Variants in ADAMDEC1 observed in about 807,000 individuals in gnomAD.
The protein encoded by ADAMDEC1 is ADAM like decysin 1.
ADAMDEC1 carries 62 observed loss-of-function variants against 60.4 expected under a neutral mutation model. The observed-to-expected ratio is 1.03, with a 90% CI of 0.84 to 1.27. ADAMDEC1 has a LOEUF of 1.27. ADAMDEC1 is among the 50% of genes most tolerant of loss of function. The pLI, the probability that ADAMDEC1 is intolerant of heterozygous loss-of-function variation, is 0.00. For synonymous variants in ADAMDEC1, 210 were observed against 195.1 expected, an observed-to-expected ratio of 1.08 and a Z score of -0.64; for missense variants, 595 against 565.0, an observed-to-expected ratio of 1.05 and a Z score of -0.54.
In ADAMDEC1 at chr8:24,392,342, G is replaced by C; in HGVS notation, c.169G>C (p.Glu57Gln). The C allele has an allele frequency of 4.3e-6, 7 of 1,612,260 alleles. No homozygotes were observed. The highest frequency in any genetic ancestry group is 5.1e-6 in the Non-Finnish European group (6 of 1,179,068). The change falls in exon 2 of 14, where the codon GAG (glutamate) becomes CAG (glutamine). Residue 57 changes from glutamate (E) to glutamine (Q), a missense_variant. By Grantham distance (29) the Glu-to-Gln change is conservative. Transcript: ENST00000256412. ...AAAACTTCACATTTTACACAAAAGA[G>C]AGATCAAGAACAACCAGACAGAAAA... ...PKKLHILHKR[E>Q]IKNNQTEKHG...
chr8:24,394,094 G>A lies in ADAMDEC1; in HGVS notation c.310G>A (p.Glu104Lys). 2 of 1,613,482 alleles carry A rather than the reference G, an allele frequency of 1.2e-6. No homozygotes were observed. The highest frequency in any genetic ancestry group is 2.2e-5 in the East Asian group (1 of 44,792). ...GCACCTCCTGGGGCCAGACTACACT[G>A]AAACATTGTACTCACCCAGAGGAGA... is the stretch of plus-strand genomic sequence containing the variant. Reference protein sequence around the residue: ...TKHLLGPDYTETLYSPRGEEI... With the variant: ...TKHLLGPDYTKTLYSPRGEEI... Residue 104 changes from glutamate (E) to lysine (K), a missense_variant, in exon 4 of 14, where the codon GAA (glutamate) becomes AAA (lysine). Transcript: ENST00000256412.
At chr8:24,395,095 GTCTGAATC>G (rs1189639682) in intron 4 of ADAMDEC1, among the ~76,000 whole-genome samples, 1 of 152,198 alleles carries the variant, frequency 6.6e-6, no homozygotes, top group Non-Finnish European at 1.5e-5. Flanking sequence ...CAACAATCAT[GTCTGAATC>G]TCTAATTGTA....
chr8:24,392,897 T>TTC (rs1817485212), intron 2 of ADAMDEC1, among the ~76,000 whole-genome samples: 1 of 147,094 alleles, frequency 6.8e-6, no homozygotes, highest in Non-Finnish European at 1.5e-5. Flanking sequence ...TTTTTTTTTT[T>TTC]TTTTTTTTTT....
chr8:24,396,427 G>A (rs1443921926), intron 5 of ADAMDEC1, among the ~76,000 whole-genome samples: 1 of 152,138 alleles, frequency 6.6e-6, no homozygotes. Context: ...CAGGAGAATG[G>A]CATGAACCCA....
At position 24,399,169 on chromosome 8, in the gene ADAMDEC1, A is replaced by G. The variant is rs545846466; in HGVS notation, c.929+129A>G. On this transcript the variant is annotated intron_variant, in intron 9 of 13. Coordinates refer to ENST00000256412, the MANE Select transcript of ADAMDEC1 (RefSeq NM_014479.3). ...GAGTGCTTGACATTTTACCACTAGC[A>G]ATTCACCTGTGACATTATTGGATCA... 1.7e-5 allele frequency: 19 copies of G among 1,109,770 alleles called. No individual in the cohort carries two copies. In the African/African-American group the frequency reaches 2.8e-4, roughly 17 times the overall value. The allele number at this position is 1,109,770 out of a possible 1,614,324, so 68.7% of individuals were successfully genotyped here.
chr8:24,400,317 C>T lies in ADAMDEC1; in HGVS notation c.1142+17C>T. 6 of 1,577,496 alleles carry T rather than the reference C, an allele frequency of 3.8e-6. No individual in the cohort carries two copies. Among genetic ancestry groups the T allele is most frequent in the Non-Finnish European group, 4.3e-6 (5 of 1,167,956 alleles). The stretch of plus-strand genomic sequence containing the variant: ...GTATCTGAGGTGAGACCTTGTCATC[C>T]TAAAAGGAGAGAGATATTTTCCAAA... On this transcript the variant is annotated intron_variant, in intron 11 of 13. Transcript: ENST00000256412.
At chr8:24,386,575 A>G (rs755170475) in intron 1 of ADAMDEC1, among the ~76,000 whole-genome samples, 32 of 152,046 alleles carry the variant, frequency 2.1e-4, no homozygotes, top group Admixed American at 6.6e-5. Context: ...CTGCTCCTCT[A>G]TCTGACCTAT....
In ADAMDEC1 at chr8:24,395,373, G is replaced by C. The variant is rs141101424; in HGVS notation, c.364-347G>C. On this transcript the variant is annotated intron_variant, in intron 4 of 13. Coordinates refer to ENST00000256412, the MANE Select transcript of ADAMDEC1 (RefSeq NM_014479.3). ...ACTGGGAGTACTGTACATCCCAAGA[G>C]GACTGGCTACTTCTCAGAGAAAGCA... is the stretch of plus-strand genomic sequence containing the variant. Among the ~76,000 whole-genome samples, 409 of 152,306 alleles carry C rather than the reference G, an allele frequency of 2.7e-3. 1 individual carries two copies. Among genetic ancestry groups the C allele is most frequent in the African/African-American group, 9.2e-3 (383 of 41,556 alleles).
chr8:24,398,531 G>A lies in ADAMDEC1; in HGVS notation c.742G>A (p.Val248Met), dbSNP rs745487031. Residue 248 changes from valine to methionine, a missense_variant, in exon 8 of 14, where the codon GTG becomes ATG. Transcript: ENST00000256412. The part of the protein sequence containing the change: ...LTLIRSFVFD[V>M]MNLLNVIYNT... ...TCTGATAAGAAGCTTTGTGTTTGAT[G>A]TGATGAACCTACTCAATGTGGTAAG... 2.3e-5 allele frequency: 37 copies of A among 1,602,744 alleles called. No homozygotes were observed. The East Asian group carries it at 7.8e-4, about 34-fold the overall frequency.
intron 1 of ADAMDEC1, 38 bp downstream of exon 1, chr8:24,384,630 A>G (rs775818973): frequency 3.2e-5 from 50 of 1,556,432 alleles, no homozygotes; most frequent in Non-Finnish European, 4.4e-5. Flanking sequence ...ATAAAAGTCA[A>G]ATTATTTGAT....
intron 1 of ADAMDEC1, 68 bp from the exon 2 acceptor site, chr8:24,392,194 C>A: frequency 2.4e-6 from 3 of 1,226,650 alleles, no homozygotes; most frequent in South Asian, 3.0e-5. Context: ...GAAATGAAAA[C>A]AAAACACAAC....
At chr8:24,401,125 G>T (rs1181569811) in intron 11 of ADAMDEC1, among the ~76,000 whole-genome samples, 2 of 152,052 alleles carry the variant, frequency 1.3e-5, no homozygotes, top group Admixed American at 1.3e-4. Flanking sequence ...TACAGATGTT[G>T]AATGGACATA....
rs753778596 is a variant in ADAMDEC1, at chr8:24,399,425, T to A, written c.962T>A (p.Leu321Gln). Residue 321 changes from leucine to glutamine, a missense_variant, in exon 10 of 14, where the codon CTG (leucine) becomes CAG (glutamine). Leu to Gln is a moderately radical substitution (Grantham distance 113, BLOSUM62 -2). Transcript: ENST00000256412. ...GISFNNRRVG[L>Q]AASNSLCSPS... ...AGCTTCAACAATCGACGTGTGGGAC[T>A]GGCAGCTTCAAATTCCTTGTGTTCC... 1 of 1,613,902 alleles carries A rather than the reference T, an allele frequency of 6.2e-7. No individual in the cohort carries two copies. Among genetic ancestry groups the A allele is most frequent in the Admixed American group, 1.7e-5 (1 of 59,988 alleles).
chr8:24,396,405 C>T lies in ADAMDEC1; in HGVS notation c.440+609C>T, dbSNP rs191117988. Among the ~76,000 whole-genome samples, 383 of 151,870 alleles carry T rather than the reference C, an allele frequency of 2.5e-3. 2 individuals are homozygous for T. The highest frequency in any genetic ancestry group is 4.4e-3 in the Non-Finnish European group (298 of 67,900). On this transcript the variant is annotated intron_variant, in intron 5 of 13. Transcript: ENST00000256412. The stretch of plus-strand genomic sequence containing the variant: ...CTGGCGCCTGTAGTCCCAGCTACTC[C>T]GGAGGCTGAGGCAGGAGAATGGCAT...
At chr8:24,393,176 A>T in intron 2 of ADAMDEC1, 86 bp from the exon 3 acceptor site, 1 of 783,236 alleles carries the variant, frequency 1.3e-6, no homozygotes, top group South Asian at 2.6e-5. Flanking sequence ...TGCATTTGTA[A>T]TTGTTCTTCT....
At chr8:24,403,974 C>T (rs1307744602) in intron 12 of ADAMDEC1, 29 bp from the exon 13 acceptor site, 10 of 1,590,174 alleles carry the variant, frequency 6.3e-6, no homozygotes, top group Non-Finnish European at 1.7e-6. Flanking sequence ...GTTGAACCCA[C>T]CTTTTTCCAT....
At chr8:24,398,600 G>A in intron 8 of ADAMDEC1, 49 bp downstream of exon 8, 1 of 1,310,926 alleles carries the variant, frequency 7.6e-7, no homozygotes, top group Non-Finnish European at 1.1e-6. Flanking sequence ...GGGAAGTTCT[G>A]CCTGGAACTT....
intron 13 of ADAMDEC1, 59 bp from the exon 14 acceptor site, chr8:24,405,233 A>G: frequency 2.0e-6 from 3 of 1,482,208 alleles, no homozygotes; most frequent in South Asian, 1.2e-5. Context: ...TCATTATTAC[A>G]TAATATTTTG....
intron 10 of ADAMDEC1, 40 bp downstream of exon 10, chr8:24,399,514 C>A: frequency 6.6e-7 from 1 of 1,510,380 alleles, no homozygotes; most frequent in Non-Finnish European, 9.2e-7. Flanking sequence ...GGTTCTGTAT[C>A]CTCTATGAAG....
Sources: allele counts gnomAD v4.1 joint callset (sites outside exome capture counted in the v4.1 genomes callset), GRCh38; gene constraint gnomAD v4.1.1; transcripts MANE v1.5; gene names NCBI Gene and HGNC (gene_info 2026-07-23, HGNC 2026-07-21).